Variants in SPRED1 observed in about 807,000 individuals in gnomAD.
SPRED1 encodes sprouty-related, EVH1 domain-containing protein 1.
Under a neutral mutation model 52.3 loss-of-function variants are expected in SPRED1, and 18 were observed. That is an observed-to-expected ratio of 0.34 (90% CI 0.24 to 0.51). SPRED1 has a LOEUF of 0.51. Among genes scored for constraint, SPRED1 ranks in the 20% least tolerant of loss-of-function variants. The pLI is 0.97. For missense variants in SPRED1, 485 were observed against 551.0 expected (o/e 0.88, Z 1.20); for synonymous variants, 155 against 179.7 (o/e 0.86, Z 1.10).
chr15:38,315,888 C>T (rs919826151), intron 2 of SPRED1, among the ~76,000 whole-genome samples: 1 of 151,954 alleles, frequency 6.6e-6, no homozygotes, highest in Admixed American at 6.6e-5. Flanking sequence ...TACTATGTGT[C>T]GGGCAGTATT....
intron 5 of SPRED1, among the ~76,000 whole-genome samples, chr15:38,346,189 C>T (rs189138637): frequency 9.1e-4 from 138 of 152,052 alleles, no homozygotes; most frequent in African/African-American, 3.1e-3. Flanking sequence ...TGGTGGTACG[C>T]GCCTGTAGTC....
intron 3 of SPRED1, among the ~76,000 whole-genome samples, chr15:38,323,810 A>G (rs549105501): frequency 2.0e-5 from 3 of 152,232 alleles, no homozygotes; most frequent in Non-Finnish European, 4.4e-5. Flanking sequence ...TGGCTGCTGG[A>G]ATTTATATGA....
At chr15:38,306,945 C>A (rs1895262107) in intron 2 of SPRED1, among the ~76,000 whole-genome samples, 1 of 152,188 alleles carries the variant, frequency 6.6e-6, no homozygotes, top group South Asian at 2.1e-4. Flanking sequence ...TTGATTTGGT[C>A]TGTCAGCCTC....
At chr15:38,304,350 C>T (rs1265604548) in intron 2 of SPRED1, among the ~76,000 whole-genome samples, 1 of 152,144 alleles carries the variant, frequency 6.6e-6, no homozygotes, top group Non-Finnish European at 1.5e-5. Context: ...AAACCAATTG[C>T]CTTAACTAAC....
chr15:38,305,099 C>T (rs767177448), intron 2 of SPRED1, among the ~76,000 whole-genome samples: 13 of 151,982 alleles, frequency 8.6e-5, no homozygotes, highest in South Asian at 2.1e-4. Flanking sequence ...GAGGCCAAGG[C>T]GGGTGGATTG....
At chr15:38,281,361 A>G (rs924258277) in intron 1 of SPRED1, among the ~76,000 whole-genome samples, 9 of 152,042 alleles carry the variant, frequency 5.9e-5, no homozygotes, top group African/African-American at 2.2e-4. Context: ...ATTAGTCTAG[A>G]TCTTTTAGGT....
rs1285809416 is a variant in SPRED1, at chr15:38,296,212, A to T, written c.33-3161A>T. Among the ~76,000 whole-genome samples, 5 of 152,152 alleles carry T rather than the reference A, an allele frequency of 3.3e-5. No individual in the cohort carries two copies. In the East Asian group the frequency reaches 9.6e-4, roughly 29 times the overall value. On this transcript the variant is annotated intron_variant, in intron 1 of 6. Coordinates refer to ENST00000299084, the MANE Select transcript of SPRED1 (RefSeq NM_152594.3). ...ATAGGCTTGGTAATCACAAAGCAAG[A>T]TAGTTCTGTAAGGGAGAAAAGAAAC...
At chr15:38,262,373 A>ATTC (rs1951651955) in intron 1 of SPRED1, among the ~76,000 whole-genome samples, 1 of 152,218 alleles carries the variant, frequency 6.6e-6, no homozygotes, top group South Asian at 2.1e-4. Flanking sequence ...GGAGAAAGTG[A>ATTC]TTCTACCTGG....
At chr15:38,341,427 CTTT>C (rs1019415926) in intron 5 of SPRED1, among the ~76,000 whole-genome samples, 6 of 150,268 alleles carry the variant, frequency 4.0e-5, no homozygotes, top group East Asian at 1.9e-4. Context: ...TTTTTTCTCT[CTTT>C]TTCTAATGTA....
chr15:38,352,770 T>C lies in SPRED1; in HGVS notation c.*1106T>C, dbSNP rs571210831. On this transcript the variant is annotated 3_prime_UTR_variant, in exon 7 of 7. Transcript: ENST00000299084. ...AATTTTTCAGCTTAATCCTCAGTGC[T>C]TATTATTTACATAACAATAACTTTT... 6.6e-6 allele frequency: 1 copy of C among 152,260 alleles called. No homozygotes were observed. The highest frequency in any genetic ancestry group is 2.4e-5 in the African/African-American group (1 of 41,580). The allele number at this position is 152,260 out of a possible 1,614,324, so 9.4% of individuals were successfully genotyped here. A position where few individuals can be genotyped will look rare whatever the true frequency, so the allele number is the denominator to read the frequency against.
chr15:38,271,135 T>C (rs1477528396), intron 1 of SPRED1, among the ~76,000 whole-genome samples: 1 of 152,236 alleles, frequency 6.6e-6, no homozygotes, highest in African/African-American at 2.4e-5. Flanking sequence ...TACCTAATTA[T>C]CCGTGTATCA....
chr15:38,254,860 G>T (rs1294060980), intron 1 of SPRED1, among the ~76,000 whole-genome samples: 1 of 152,196 alleles, frequency 6.6e-6, no homozygotes, highest in African/African-American at 2.4e-5. Flanking sequence ...TCAGATAATG[G>T]TTATTTAGGA....
intron 1 of SPRED1, among the ~76,000 whole-genome samples, chr15:38,258,100 A>C (rs1894137174): frequency 6.6e-6 from 1 of 152,216 alleles, no homozygotes; most frequent in Admixed American, 6.5e-5. Context: ...ATGATCTCTA[A>C]AGTGAGTAAT....
chr15:38,263,917 C>T (rs541863373), intron 1 of SPRED1, among the ~76,000 whole-genome samples: 9 of 152,198 alleles, frequency 5.9e-5, no homozygotes, highest in South Asian at 2.1e-4. Flanking sequence ...CCATGGGCCG[C>T]GGGTTGGATG....
chr15:38,339,836 CCTT>C lies in SPRED1; in HGVS notation c.526_528del (p.Ser176del), dbSNP rs763365429. The C allele has an allele frequency of 1.2e-6, 2 of 1,613,880 alleles. No homozygotes were observed. Among genetic ancestry groups the C allele is most frequent in the Non-Finnish European group, 1.7e-6 (2 of 1,179,880 alleles). The stretch of plus-strand genomic sequence containing the variant: ...GCCTTATAGAAGCTCAAATATAAGA[CCTT>C]CTCCCTTTGAAGATCTGAATGCCAG... On this transcript the variant is annotated inframe_deletion, in exon 5 of 7. Transcript: ENST00000299084.
At chr15:38,306,247 C>G (rs1343540333) in intron 2 of SPRED1, among the ~76,000 whole-genome samples, 1 of 151,944 alleles carries the variant, frequency 6.6e-6, no homozygotes, top group Non-Finnish European at 1.5e-5. Flanking sequence ...TCAGAAGTAC[C>G]ATGTATAAGA....
At chr15:38,262,048 T>A (rs1046809386) in intron 1 of SPRED1, among the ~76,000 whole-genome samples, 1 of 150,974 alleles carries the variant, frequency 6.6e-6, no homozygotes, top group Non-Finnish European at 1.5e-5. Flanking sequence ...TACTGTGAGA[T>A]TGGGGAGTTC....
At chr15:38,311,493 A>C (rs1242130945) in intron 2 of SPRED1, among the ~76,000 whole-genome samples, 1 of 152,138 alleles carries the variant, frequency 6.6e-6, no homozygotes, top group African/African-American at 2.4e-5. Flanking sequence ...AAAAGACTGT[A>C]AAATTGGTGT....
chr15:38,260,716 C>A (rs1413943589), intron 1 of SPRED1, among the ~76,000 whole-genome samples: 2 of 152,132 alleles, frequency 1.3e-5, no homozygotes, highest in Non-Finnish European at 2.9e-5. Context: ...TTTTGTAATA[C>A]TGTGTATGTT....
Sources: gnomAD v4.1 joint callset for allele counts (sites outside exome capture counted in the v4.1 genomes callset) on GRCh38, gnomAD v4.1.1 for gene constraint, MANE v1.5 for transcripts, NCBI Gene and HGNC (gene_info 2026-07-23, HGNC 2026-07-21) for gene names.